The following TAB2 variants were observed in gnomAD, a reference collection of about 807,000 sequenced individuals.
The protein encoded by TAB2 is TGF-beta activated kinase 1 (MAP3K7) binding protein 2, also known as TGF-beta-activated kinase 1 and MAP3K7-binding protein 2.
TAB2 carries 3 observed loss-of-function variants against 65.0 expected under a neutral mutation model. That is an observed-to-expected ratio of 0.05 (90% CI 0.02 to 0.12). The LOEUF (loss-of-function observed/expected upper bound fraction) is 0.12, where lower values mean the gene tolerates loss of function less well. TAB2 is among the 10% of genes least tolerant of loss of function. TAB2 has a pLI of 1.00. For missense variants in TAB2, 623 were observed against 840.3 expected, an observed-to-expected ratio of 0.74 and a Z score of 3.20; for synonymous variants, 298 against 285.1, an observed-to-expected ratio of 1.05 and a Z score of -0.46.
intron 1 of TAB2, among the ~76,000 whole-genome samples, chr6:149,321,779 C>T (rs1177015984): frequency 6.6e-6 from 1 of 152,036 alleles, no homozygotes; most frequent in Non-Finnish European, 1.5e-5. Context: ...AGAATTATCA[C>T]AAAGTAAAAT....
chr6:149,288,373 C>G (rs1418982623), intron 1 of TAB2, among the ~76,000 whole-genome samples: 1 of 152,206 alleles, frequency 6.6e-6, no homozygotes, highest in Non-Finnish European at 1.5e-5. Flanking sequence ...CTGCACCCCT[C>G]CAGGAGACGG....
rs1174165068 is a variant in TAB2, at chr6:149,399,246, T to G, written c.1939+62T>G. 5.0e-6 allele frequency: 7 copies of G among 1,390,870 alleles called. No homozygotes were observed. The Admixed American group carries it at 1.2e-4, about 24-fold the overall frequency. 86.2% of individuals were successfully genotyped at this position (1,390,870 alleles called of 1,614,324 possible). A position where few individuals can be genotyped will look rare whatever the true frequency, so the allele number is the denominator to read the frequency against. On this transcript the variant is annotated intron_variant, in intron 6 of 6. Coordinates refer to ENST00000637181, the MANE Select transcript of TAB2 (RefSeq NM_001292034.3). ...TGAAAAGCAAAATTTTAGAAAATTT[T>G]TCCTGTTCAGCAACCTTCCTCTCTA...
intron 1 of TAB2, among the ~76,000 whole-genome samples, chr6:149,258,731 C>G (rs1778092121): frequency 6.6e-6 from 1 of 152,186 alleles, no homozygotes; most frequent in African/African-American, 2.4e-5. Flanking sequence ...AGTTTCTCTC[C>G]CTTCCCAAAA....
rs547865001 is a variant in TAB2 at position 149,254,205 on chromosome 6, C to T, written c.-121+35429C>T. On this transcript the variant is annotated intron_variant, in intron 1 of 1. Transcript: ENST00000606202. ...AGCATGCAGTTCTGATGACCAAATA[C>T]GCTCCCCCAAAGACCTCCAGGGGAA... is the stretch of plus-strand genomic sequence containing the variant. Among the ~76,000 whole-genome samples the T allele has an allele frequency of 1.1e-4, 17 of 152,166 alleles. No individual in the cohort carries two copies. In the South Asian group the frequency reaches 1.5e-3, roughly 13 times the overall value.
chr6:149,356,219 T>G, intron 1 of TAB2, among the ~76,000 whole-genome samples: 1 of 152,192 alleles, frequency 6.6e-6, no homozygotes. Context: ...TCAACAGGTA[T>G]TTGTAGAAAA....
At chr6:149,336,897 A>G (rs542270100) in intron 1 of TAB2, among the ~76,000 whole-genome samples, 28 of 146,366 alleles carry the variant, frequency 1.9e-4, no homozygotes, top group African/African-American at 7.1e-4. Flanking sequence ...CAGGGATACA[A>G]TTTAGAGGGC....
chr6:149,321,848 A>G (rs1266426511), intron 1 of TAB2, among the ~76,000 whole-genome samples: 2 of 152,196 alleles, frequency 1.3e-5, no homozygotes, highest in African/African-American at 2.4e-5. Flanking sequence ...TTGGCACTTA[A>G]AAGTACATTT....
At chr6:149,328,712 A>G (rs1156831268) in intron 1 of TAB2, among the ~76,000 whole-genome samples, 1 of 152,200 alleles carries the variant, frequency 6.6e-6, no homozygotes, top group Admixed American at 6.5e-5. Flanking sequence ...TCTTGTCCTT[A>G]AGAGACATAT....
chr6:149,293,048 G>A (rs528806731), intron 1 of TAB2, among the ~76,000 whole-genome samples: 14 of 129,440 alleles, frequency 1.1e-4, no homozygotes, highest in African/African-American at 4.3e-4. Flanking sequence ...TTTGCTTCCC[G>A]TGAAAACAAC....
intron 1 of TAB2, among the ~76,000 whole-genome samples, chr6:149,350,700 G>GA (rs1780462252): frequency 7.4e-6 from 1 of 135,010 alleles, no homozygotes. Flanking sequence ...CTACATCCTT[G>GA]AACTCCTGGG....
At chr6:149,329,262 A>G (rs1014228903) in intron 1 of TAB2, among the ~76,000 whole-genome samples, 5 of 152,186 alleles carry the variant, frequency 3.3e-5, no homozygotes, top group African/African-American at 1.2e-4. Context: ...ATAAGTATCT[A>G]TTTGAGAGTT....
chr6:149,353,544 C>G (rs563263665), intron 1 of TAB2, among the ~76,000 whole-genome samples: 101 of 152,250 alleles, frequency 6.6e-4, no homozygotes, highest in African/African-American at 2.4e-3. Context: ...AGGAAAAAAT[C>G]AAGCGGGGAA....
At position 149,378,562 on chromosome 6, in the gene TAB2, G is replaced by C; in HGVS notation, c.647G>C (p.Arg216Thr). Residue 216 changes from arginine (R) to threonine (T), a missense_variant, in exon 3 of 7, where the codon AGG (arginine) becomes ACG (threonine). Transcript: ENST00000637181. ...NSPQGNSIYI[R>T]PYITTPGGTT... Reference sequence around the variant, plus strand: ...CCACAGGGAAATTCTATCTATATTAGGCCTTACATTACAACTCCTGGTGGT... The same window carrying C: ...CCACAGGGAAATTCTATCTATATTACGCCTTACATTACAACTCCTGGTGGT... 6.2e-7 allele frequency: 1 copy of C among 1,613,936 alleles called. No homozygotes were observed.
At chr6:149,274,451 T>C (rs982229744) in intron 1 of TAB2, among the ~76,000 whole-genome samples, 2 of 152,270 alleles carry the variant, frequency 1.3e-5, no homozygotes, top group Non-Finnish European at 2.9e-5. Flanking sequence ...ATCATGGCTT[T>C]GTCCTCCCTG....
intron 1 of TAB2, among the ~76,000 whole-genome samples, chr6:149,310,581 T>A (rs1377542578): frequency 1.4e-5 from 2 of 140,314 alleles, no homozygotes; most frequent in African/African-American, 5.5e-5. Flanking sequence ...TTTTTTAAAA[T>A]TGCATTTACA....
Position 149,379,325 on chromosome 6 carries a change from C to T in TAB2, c.1410C>T (p.Pro470=), listed in dbSNP as rs148036236. The stretch of plus-strand genomic sequence containing the variant: ...ACACTTTCAAAATTACAGTCTCTCC[C>T]AATAAGCCCCCTGCAGTTTCACCAG... ...TKYTFKITVS[P]NKPPAVSPGV... Residue 470 remains proline (P), a synonymous_variant, in exon 3 of 7, where the codon CCC becomes CCT. Coordinates refer to ENST00000637181, the MANE Select transcript of TAB2 (RefSeq NM_001292034.3). 6.2e-7 allele frequency: 1 copy of T among 1,614,212 alleles called. No homozygotes were observed. Among genetic ancestry groups the T allele is most frequent in the East Asian group, 2.2e-5 (1 of 44,888 alleles).
intron 1 of TAB2, among the ~76,000 whole-genome samples, chr6:149,298,298 A>C (rs1778913553): frequency 6.6e-6 from 1 of 151,972 alleles, no homozygotes; most frequent in South Asian, 2.1e-4. Flanking sequence ...GAAAGAAAAA[A>C]TAAAAATAAA....
chr6:149,223,686 T>G (rs780166625), intron 1 of TAB2, among the ~76,000 whole-genome samples: 27 of 152,214 alleles, frequency 1.8e-4, no homozygotes, highest in Non-Finnish European at 2.6e-4. Context: ...TTCAGCTGCT[T>G]ATGTAAAAAA....
intron 1 of TAB2, among the ~76,000 whole-genome samples, chr6:149,289,024 A>AT (rs1398581623): frequency 6.6e-6 from 1 of 151,614 alleles, no homozygotes; most frequent in Non-Finnish European, 1.5e-5. Flanking sequence ...TGCCCAGCTA[A>AT]TTTTTTGTAT....
Sources: allele counts gnomAD v4.1 joint callset (sites outside exome capture counted in the v4.1 genomes callset), GRCh38; gene constraint gnomAD v4.1.1; transcripts MANE v1.5; gene names NCBI Gene and HGNC (gene_info 2026-07-23, HGNC 2026-07-21).